Variants in CFAP20DC observed in about 807,000 individuals in gnomAD.
CFAP20DC encodes CFAP20 domain containing, also known as protein CFAP20DC.
CFAP20DC carries 84 observed loss-of-function variants against 101.7 expected under a neutral mutation model. The ratio of observed to expected loss-of-function variants is 0.83; its 90% CI spans 0.69 to 0.99. CFAP20DC has a LOEUF of 0.99. Ranked by LOEUF, CFAP20DC falls within the 50% of genes least tolerant of loss-of-function variation. The pLI, the probability that CFAP20DC is intolerant of heterozygous loss-of-function variation, is 0.00. For missense variants in CFAP20DC, 1,007 were observed against 970.3 expected, an observed-to-expected ratio of 1.04 and a Z score of -0.50; for synonymous variants, 359 against 351.2, an observed-to-expected ratio of 1.02 and a Z score of -0.25.
Position 58,849,168 on chromosome 3 carries a change from C to T in CFAP20DC, c.1835G>A (p.Cys612Tyr), listed in dbSNP as rs1479579126. Residue 612 changes from cysteine (C) to tyrosine (Y), a missense_variant, in exon 13 of 17, where the codon TGT becomes TAT. Transcript: ENST00000482387. ...TTCLSPTGRR[C>Y]GSCQKTPEPV... The stretch of plus-strand genomic sequence containing the variant: ...CTCTGGAGTTTTCTGACAGGACCCA[C>T]ACCTTCTTCCAGTTGGAGAAAGGCA... The T allele has an allele frequency of 4.6e-6, 7 of 1,535,974 alleles. No homozygotes were observed. In the South Asian group the frequency reaches 4.8e-5, roughly 10 times the overall value.
chr3:58,862,922 A>G, intron 12 of CFAP20DC: 3 of 972,752 alleles, frequency 3.1e-6, no homozygotes, highest in Non-Finnish European at 3.7e-6. Context: ...TTTCCAAATT[A>G]TATTCAGTTT....
chr3:58,843,021 A>G (rs1197378899), intron 13 of CFAP20DC, among the ~76,000 whole-genome samples: 1 of 152,218 alleles, frequency 6.6e-6, no homozygotes, highest in African/African-American at 2.4e-5. Context: ...GTACATCACC[A>G]TCGTCAAAGA....
chr3:59,031,700 A>G (rs944660445), intron 4 of CFAP20DC, among the ~76,000 whole-genome samples: 1 of 152,240 alleles, frequency 6.6e-6, no homozygotes, highest in African/African-American at 2.4e-5. Flanking sequence ...TCACCCAAGA[A>G]GACAAGATTG....
intron 14 of CFAP20DC, among the ~76,000 whole-genome samples, chr3:58,814,325 C>G (rs957216742): frequency 5.9e-5 from 9 of 151,828 alleles, no homozygotes; most frequent in Admixed American, 5.9e-4. Flanking sequence ...ACTAAAAACT[C>G]TCAATAAATT....
intron 7 of CFAP20DC, among the ~76,000 whole-genome samples, chr3:58,877,923 G>GA (rs922935040): frequency 2.6e-5 from 4 of 151,794 alleles, no homozygotes; most frequent in Non-Finnish European, 1.5e-5. Context: ...TTTTCAGATG[G>GA]AAAAAAAATA....
At chr3:59,031,492 G>C (rs2093994144) in intron 4 of CFAP20DC, among the ~76,000 whole-genome samples, 1 of 152,180 alleles carries the variant, frequency 6.6e-6, no homozygotes. Context: ...TGCCTTTGGA[G>C]TCTTGAAAAT....
chr3:58,806,333 A>G, intron 15 of CFAP20DC, 62 bp downstream of exon 15: 1 of 1,152,504 alleles, frequency 8.7e-7, no homozygotes, highest in Middle Eastern at 2.0e-4. Context: ...AACCAAGAAA[A>G]ATGTACAATC....
chr3:58,775,329 G>T (rs1429794608), intron 15 of CFAP20DC, among the ~76,000 whole-genome samples: 4 of 151,922 alleles, frequency 2.6e-5, no homozygotes, highest in African/African-American at 9.7e-5. Context: ...AGTGAGCAGA[G>T]GGATCACTTT....
At chr3:58,969,208 G>T (rs540915061) in intron 4 of CFAP20DC, among the ~76,000 whole-genome samples, 42 of 152,036 alleles carry the variant, frequency 2.8e-4, no homozygotes, top group African/African-American at 9.9e-4. Flanking sequence ...CTTCAAGAAG[G>T]TATACAAATG....
chr3:58,786,120 T>C (rs1264978542), intron 15 of CFAP20DC, among the ~76,000 whole-genome samples: 3 of 152,184 alleles, frequency 2.0e-5, no homozygotes, highest in Non-Finnish European at 2.9e-5. Context: ...GTGCTGCAAA[T>C]GTTAATAAAC....
chr3:58,816,180 A>T (rs1237545341), intron 14 of CFAP20DC, among the ~76,000 whole-genome samples: 2 of 152,038 alleles, frequency 1.3e-5, no homozygotes, highest in Non-Finnish European at 2.9e-5. Context: ...CTATGCAGCC[A>T]TAAAAAATGA....
At chr3:58,802,498 A>C (rs1325512027) in intron 15 of CFAP20DC, among the ~76,000 whole-genome samples, 1 of 152,246 alleles carries the variant, frequency 6.6e-6, no homozygotes, top group East Asian at 1.9e-4. Context: ...AGCATCTGTG[A>C]TGCTGTTTAA....
rs2082939190 is a variant in CFAP20DC at position 58,899,287 on chromosome 3, A to T, written c.550+14421T>A. On this transcript the variant is annotated intron_variant, in intron 6 of 16. Coordinates refer to ENST00000482387, the MANE Select transcript of CFAP20DC (RefSeq NM_001394063.1). This position sits in a 1 kb window ranked among gnomAD's most constrained non-coding sequence, Gnocchi z 5.0. ...GGACTCTCCAGAGCTGGCAGGTTGG[A>T]ACTGCTGAGTTGCCTAAACCACAGA... Among the ~76,000 whole-genome samples, 1 of 152,150 alleles carries T rather than the reference A, an allele frequency of 6.6e-6. No homozygotes were observed. Among genetic ancestry groups the T allele is most frequent in the Non-Finnish European group, 1.5e-5 (1 of 68,012 alleles).
chr3:59,011,008 C>G (rs2093568835), intron 4 of CFAP20DC, among the ~76,000 whole-genome samples: 1 of 152,182 alleles, frequency 6.6e-6, no homozygotes, highest in Non-Finnish European at 1.5e-5. Context: ...ATTCTTTCAA[C>G]TGGACTATAA....
At chr3:58,813,240 T>C (rs544064937) in intron 14 of CFAP20DC, among the ~76,000 whole-genome samples, 23 of 151,854 alleles carry the variant, frequency 1.5e-4, no homozygotes, top group African/African-American at 5.3e-4. Context: ...TTTCAAAACA[T>C]AGCTGAACAA....
At chr3:59,003,547 T>C (rs1470633510) in intron 4 of CFAP20DC, among the ~76,000 whole-genome samples, 2 of 152,148 alleles carry the variant, frequency 1.3e-5, no homozygotes, top group Non-Finnish European at 2.9e-5. Flanking sequence ...AAGATCCAAG[T>C]TAAGAATATC....
At chr3:58,992,541 T>C in intron 4 of CFAP20DC, 1 of 983,226 alleles carries the variant, frequency 1.0e-6, no homozygotes, top group Non-Finnish European at 1.2e-6. Context: ...AGTCCTAGTC[T>C]ACACTAATCT....
chr3:58,801,050 T>TGAGAGAGAGAGAGA lies in CFAP20DC; in HGVS notation c.2237+5331_2237+5344dup, dbSNP rs143776206. Among the ~76,000 whole-genome samples, 672 of 131,684 alleles carry TGAGAGAGAGAGAGA rather than the reference T, an allele frequency of 5.1e-3. 11 individuals are homozygous for TGAGAGAGAGAGAGA. Among genetic ancestry groups the TGAGAGAGAGAGAGA allele is most frequent in the African/African-American group, 0.017 (555 of 31,818 alleles). 86.4% of individuals were successfully genotyped at this position (131,684 alleles called of 152,430 possible). Reference sequence around the variant, plus strand: ...GGGTGGGGTGGGGGTGGGGAGTAAGTGAGAGAGAGAGAGAGAGAGAGAGAA... The same window carrying TGAGAGAGAGAGAGA: ...GGGTGGGGTGGGGGTGGGGAGTAAGTGAGAGAGAGAGAGAGAGAGAGAGAGAGAGAGAGAGAGAA... On this transcript the variant is annotated intron_variant, in intron 15 of 16. Coordinates refer to ENST00000482387, the MANE Select transcript of CFAP20DC (RefSeq NM_001394063.1).
At chr3:58,968,498 C>T (rs2091740011) in intron 4 of CFAP20DC, among the ~76,000 whole-genome samples, 1 of 152,216 alleles carries the variant, frequency 6.6e-6, no homozygotes, top group African/African-American at 2.4e-5. Flanking sequence ...TTATTGGCTA[C>T]ATGTATGTCT....
Sources: gnomAD v4.1 joint callset for allele counts (sites outside exome capture counted in the v4.1 genomes callset) on GRCh38, gnomAD v4.1.1 for gene constraint, Gnocchi (gnomAD v3.1) non-coding constraint, MANE v1.5 for transcripts, NCBI Gene and HGNC (gene_info 2026-07-23, HGNC 2026-07-21) for gene names.